Variants in B4GALT1 observed in about 807,000 individuals in gnomAD.
B4GALT1 encodes beta-1,4-galactosyltransferase 1.
In B4GALT1, 16 loss-of-function variants were observed where a neutral mutation model predicts 34.9. That is an observed-to-expected ratio of 0.46 (90% CI 0.31 to 0.70). The LOEUF is 0.70. B4GALT1 is among the 30% of genes least tolerant of loss of function. The probability of loss-of-function intolerance (pLI) is 0.05; values close to 1 mark genes in which losing one functional copy is unlikely to be tolerated. For missense variants in B4GALT1, 445 were observed against 530.5 expected (o/e 0.84, Z 1.58); for synonymous variants, 221 against 218.1 (o/e 1.01, Z -0.12).
At chr9:33,171,748 T>G (rs1840843333), upstream of B4GALT1, among the ~76,000 whole-genome samples, 1 of 152,070 alleles carries the variant, frequency 6.6e-6, no homozygotes, top group Admixed American at 6.5e-5. Flanking sequence ...AGAGATGAGA[T>G]GTTGCGATAT....
chr9:33,173,762 C>A, the B4GALT1 span, among the ~76,000 whole-genome samples: 1 of 152,010 alleles, frequency 6.6e-6, no homozygotes, highest in Non-Finnish European at 1.5e-5. Flanking sequence ...ATTCCAGGGA[C>A]TGGCTAGGAA....
the B4GALT1 span, chr9:33,178,771 A>G: frequency 3.3e-5 from 5 of 152,272 alleles, no homozygotes; most frequent in African/African-American, 1.2e-4. Flanking sequence ...CAATTGCTGT[A>G]TCTTAAAATT....
chr9:33,168,725 G>A (rs1198340933), upstream of B4GALT1, among the ~76,000 whole-genome samples: 3 of 152,142 alleles, frequency 2.0e-5, no homozygotes, highest in Non-Finnish European at 2.9e-5. Flanking sequence ...ATGTTCTTTT[G>A]TGTCTACACT....
chr9:33,105,046 C>T (rs1446144906), intron 2 of B4GALT1, among the ~76,000 whole-genome samples: 2 of 151,856 alleles, frequency 1.3e-5, no homozygotes, highest in East Asian at 1.9e-4. Flanking sequence ...TCTCAAACTC[C>T]TGACCTCAAG....
At chr9:33,125,346 G>A (rs543522734) in intron 2 of B4GALT1, among the ~76,000 whole-genome samples, 3 of 152,208 alleles carry the variant, frequency 2.0e-5, no homozygotes, top group African/African-American at 2.4e-5. Context: ...TGAAGGCAGC[G>A]ATGAGCCAAA....
intron 1 of B4GALT1, among the ~76,000 whole-genome samples, chr9:33,155,639 G>A (rs1348665987): frequency 1.3e-5 from 2 of 152,174 alleles, no homozygotes; most frequent in Non-Finnish European, 2.9e-5. Context: ...GTGGCCTGGG[G>A]TACTCGCTTT....
At chr9:33,152,699 C>T (rs1321387300) in intron 1 of B4GALT1, among the ~76,000 whole-genome samples, 2 of 152,024 alleles carry the variant, frequency 1.3e-5, no homozygotes. Flanking sequence ...CATGGTGAAA[C>T]CCCATCTCTG....
chr9:33,122,278 G>A (rs1373016332), intron 2 of B4GALT1, among the ~76,000 whole-genome samples: 7 of 152,134 alleles, frequency 4.6e-5, no homozygotes, highest in Non-Finnish European at 1.5e-5. Flanking sequence ...TAACACTTGG[G>A]AGGCCAAGGT....
At position 33,122,739 on chromosome 9, in the gene B4GALT1, G is replaced by A. The variant is rs532108236; in HGVS notation, c.649-2133C>T. 1.4e-4 allele frequency among the ~76,000 whole-genome samples: 21 copies of A among 152,310 alleles called. No individual in the cohort carries two copies. The South Asian group carries it at 3.9e-3, about 29-fold the overall frequency. On this transcript the variant is annotated intron_variant, in intron 2 of 5. Coordinates refer to ENST00000379731, the MANE Select transcript of B4GALT1 (RefSeq NM_001497.4). ...CTCTGACAAAGTTTTCTAACCCCGC[G>A]TGGTGAGTGAAGGAGCCCAAAGGCA... is the stretch of plus-strand genomic sequence containing the variant.
At chr9:33,129,262 T>C (rs554015010) in intron 2 of B4GALT1, among the ~76,000 whole-genome samples, 6 of 152,306 alleles carry the variant, frequency 3.9e-5, no homozygotes, top group Middle Eastern at 3.4e-3. Flanking sequence ...AGGAGTTTTG[T>C]GACCATTAAC....
chr9:33,155,998 A>G (rs1354258826), intron 1 of B4GALT1, among the ~76,000 whole-genome samples: 1 of 152,360 alleles, frequency 6.6e-6, no homozygotes, highest in African/African-American at 2.4e-5. Flanking sequence ...CCAGAGTGCC[A>G]TATTAAGTCA....
chr9:33,152,531 A>G (rs1456862462), intron 1 of B4GALT1, among the ~76,000 whole-genome samples: 1 of 150,140 alleles, frequency 6.7e-6, no homozygotes, highest in East Asian at 1.9e-4. Context: ...GAAAAAGGGT[A>G]AAAAAAAATG....
At chr9:33,125,036 A>G (rs1840070978) in intron 2 of B4GALT1, among the ~76,000 whole-genome samples, 1 of 152,242 alleles carries the variant, frequency 6.6e-6, no homozygotes, top group Non-Finnish European at 1.5e-5. Flanking sequence ...CAAGAGTTAC[A>G]GTTATCCCTT....
At position 33,167,173 on chromosome 9, in the gene B4GALT1, C is replaced by A. The variant is rs771816998; in HGVS notation, c.-4G>T. The A allele has an allele frequency of 1.1e-4, 173 of 1,595,310 alleles. No individual in the cohort carries two copies. Among genetic ancestry groups the A allele is most frequent in the Non-Finnish European group, 1.4e-4 (163 of 1,172,844 alleles). ...GGAGCGGCTCCCGAAGCCTCATCTT[C>A]CCGCCGCCGCTTTAAGAAGGGTGTG... On this transcript the variant is annotated 5_prime_UTR_variant, in exon 1 of 6. Coordinates refer to ENST00000379731, the MANE Select transcript of B4GALT1 (RefSeq NM_001497.4).
upstream of B4GALT1, chr9:33,167,336 C>CG: frequency 1.1e-6 from 1 of 892,068 alleles, no homozygotes; most frequent in Non-Finnish European, 1.5e-6. Flanking sequence ...GACCTGGGAG[C>CG]GGCGAGAAGC....
rs1840769587 is a variant in B4GALT1, at chr9:33,166,990, C to T, written c.180G>A (p.Leu60=). The T allele has an allele frequency of 1.9e-6, 3 of 1,591,658 alleles. No homozygotes were observed. Among genetic ancestry groups the T allele is most frequent in the African/African-American group, 2.7e-5 (2 of 74,934 alleles). Residue 60 remains leucine (L), a synonymous_variant, in exon 1 of 6, where the codon CTG becomes CTA. Coordinates refer to ENST00000379731, the MANE Select transcript of B4GALT1 (RefSeq NM_001497.4). ...LPQLVGVSTP[L]QGGSNSAAAI... ...CGGCGGCACTGTTCGAGCCGCCCTG[C>T]AGCGGTGTGGAGACTCCGACCAGTT...
chr9:33,128,564 T>C (rs1293419128), intron 2 of B4GALT1, among the ~76,000 whole-genome samples: 3 of 152,146 alleles, frequency 2.0e-5, no homozygotes, highest in East Asian at 1.9e-4. Flanking sequence ...AGACACTCCC[T>C]GGCCTTCCCA....
At chr9:33,116,155 A>C (rs908612222) in intron 3 of B4GALT1, 42 bp from the exon 4 acceptor site, 2 of 1,604,216 alleles carry the variant, frequency 1.2e-6, no homozygotes, top group Non-Finnish European at 1.7e-6. Flanking sequence ...GTGGTTAGTT[A>C]AGTTCTGACA....
At chr9:33,125,179 C>T (rs1275259589) in intron 2 of B4GALT1, among the ~76,000 whole-genome samples, 1 of 152,134 alleles carries the variant, frequency 6.6e-6, no homozygotes, top group Non-Finnish European at 1.5e-5. Context: ...CAGACAGAAT[C>T]GACCAGACAT....
Sources: allele counts gnomAD v4.1 joint callset (sites outside exome capture counted in the v4.1 genomes callset), GRCh38; gene constraint gnomAD v4.1.1; transcripts MANE v1.5; gene names NCBI Gene and HGNC (gene_info 2026-07-23, HGNC 2026-07-21).